Variants in AIMP2 observed in about 807,000 individuals in gnomAD.
AIMP2 encodes aminoacyl tRNA synthase complex-interacting multifunctional protein 2.
Under a neutral mutation model 23.4 loss-of-function variants are expected in AIMP2, and 20 were observed. The observed-to-expected ratio is 0.85, with a 90% CI of 0.60 to 1.24. The LOEUF (loss-of-function observed/expected upper bound fraction) is 1.24. AIMP2 is among the 50% of genes most tolerant of loss of function. AIMP2 has a pLI of 0.00. For synonymous variants in AIMP2, 210 were observed against 170.4 expected, an observed-to-expected ratio of 1.23 and a Z score of -1.81; for missense variants, 515 against 414.5, an observed-to-expected ratio of 1.24 and a Z score of -2.10.
chr7:6,021,277 A>G (rs2079819), intron 3 of AIMP2, among the ~76,000 whole-genome samples: 127,607 of 149,354 alleles, frequency 0.85, 54,691 homozygotes, highest in African/African-American at 0.91. Context: ...CCAGGAGGTG[A>G]AGGTTGTAGT....
chr7:6,014,527 T>A (rs1200084566), intron 1 of AIMP2, among the ~76,000 whole-genome samples: 1 of 151,674 alleles, frequency 6.6e-6, no homozygotes, highest in Non-Finnish European at 1.5e-5. Flanking sequence ...CCCAAAGTGC[T>A]GGGATTACAG....
At chr7:6,017,756 C>A in intron 2 of AIMP2, 58 bp from the exon 3 acceptor site, 2 of 1,491,922 alleles carry the variant, frequency 1.3e-6, no homozygotes, top group East Asian at 2.4e-5. Flanking sequence ...GACTCGCGCC[C>A]GGCACAGTGG....
chr7:6,015,337 T>G lies in AIMP2; in HGVS notation c.327T>G (p.Asn109Lys), dbSNP rs1211111262. The change falls in exon 2 of 4, where the codon AAT (asparagine) becomes AAG (lysine). Residue 109 changes from asparagine (N) to lysine (K), a missense_variant. Asn to Lys is a moderately conservative substitution (Grantham distance 94). Transcript: ENST00000223029. ...TTLTTNALDL[N>K]SVLGKDYGAL... ...TAACCACCAATGCGCTGGACTTGAA[T>G]TCAGTGCTTGGGAAGGTAGGTTCGT... 6.2e-7 allele frequency: 1 copy of G among 1,614,036 alleles called. No individual in the cohort carries two copies. Among genetic ancestry groups the G allele is most frequent in the Non-Finnish European group, 8.5e-7 (1 of 1,180,030 alleles).
Position 6,018,551 on chromosome 7 carries a change from CA to C in AIMP2, c.574+508del, listed in dbSNP as rs201100626. On this transcript the variant is annotated intron_variant, in intron 3 of 3. Coordinates refer to ENST00000223029, the MANE Select transcript of AIMP2 (RefSeq NM_006303.4). Reference sequence around the variant, plus strand: ...ACCGCATAGCCTAGAAATATCAAAACAAGGCCACGCGCAGGGGCTCACGCCT... The same window carrying C: ...ACCGCATAGCCTAGAAATATCAAAACAGGCCACGCGCAGGGGCTCACGCCT... Among the ~76,000 whole-genome samples the C allele has an allele frequency of 7.4e-3, 1,129 of 151,894 alleles. 14 individuals carry two copies. The highest frequency in any genetic ancestry group is 0.026 in the African/African-American group (1,087 of 41,430).
intron 2 of AIMP2, among the ~76,000 whole-genome samples, chr7:6,016,673 C>T (rs1177399740): frequency 2.0e-5 from 3 of 152,222 alleles, no homozygotes; most frequent in Non-Finnish European, 2.9e-5. Context: ...ATTTTGATAC[C>T]TCAGAAGACC....
intron 1 of AIMP2, chr7:6,012,561 GTTTTTT>G: frequency 5.1e-6 from 1 of 194,186 alleles, no homozygotes; most frequent in Admixed American, 5.5e-5. Context: ...CCTGACCGAG[GTTTTTT>G]TTGTTTTTGA....
intron 3 of AIMP2, among the ~76,000 whole-genome samples, chr7:6,021,092 A>G (rs2128881385): frequency 6.6e-6 from 1 of 152,282 alleles, no homozygotes; most frequent in South Asian, 2.1e-4. Flanking sequence ...GCAGGCACTC[A>G]GAGCCCCACG....
At chr7:6,016,540 C>T (rs1169716169) in intron 2 of AIMP2, among the ~76,000 whole-genome samples, 1 of 152,132 alleles carries the variant, frequency 6.6e-6, no homozygotes, top group Non-Finnish European at 1.5e-5. Flanking sequence ...ACCAGGCCCT[C>T]AGGGAGCCGG....
At chr7:6,020,147 G>A (rs1174416669) in intron 3 of AIMP2, among the ~76,000 whole-genome samples, 1 of 152,082 alleles carries the variant, frequency 6.6e-6, no homozygotes, top group African/African-American at 2.4e-5. Context: ...TTGGCCGGTT[G>A]TGGTGGTTCA....
intron 1 of AIMP2, among the ~76,000 whole-genome samples, chr7:6,009,970 A>T (rs1354414215): frequency 0.2 from 6,524 of 33,244 alleles, 607 homozygotes; most frequent in African/African-American, 0.29. Context: ...AAAAAAAAAA[A>T]AAAAATATAT....
At chr7:6,015,491 A>G (rs1320237184) in intron 2 of AIMP2, 139 bp downstream of exon 2, 2 of 869,762 alleles carry the variant, frequency 2.3e-6, no homozygotes, top group East Asian at 2.7e-5. Context: ...TTGGGAAGCC[A>G]AGGCGGGCAG....
Position 6,014,875 on chromosome 7 carries a change from A to G in AIMP2, c.136-271A>G, listed in dbSNP as rs531898775. 13 of 444,174 alleles carry G rather than the reference A, an allele frequency of 2.9e-5. No individual in the cohort carries two copies. In the East Asian group the frequency reaches 8.1e-4, roughly 28 times the overall value. The allele number at this position is 444,174 out of a possible 1,614,324, so 27.5% of individuals were successfully genotyped here. ...GCTGGGATTACAGTTGCGTGCCACC[A>G]TGCCAGGCTAATTTTTGTATTTCTA... On this transcript the variant is annotated intron_variant, in intron 1 of 3. Transcript: ENST00000223029.
chr7:6,019,893 G>C (rs1003501524), intron 3 of AIMP2, among the ~76,000 whole-genome samples: 2 of 151,736 alleles, frequency 1.3e-5, no homozygotes, highest in Admixed American at 6.6e-5. Flanking sequence ...GTGGTGGTGC[G>C]TGCCTGTAGT....
chr7:6,009,518 CGCCCAGTGCGCACGCGCGGCGACCG>C lies in AIMP2; in HGVS notation c.135+23_135+47del. On this transcript the variant is annotated intron_variant, in intron 1 of 3. Transcript: ENST00000223029. ...GTGCAGGTAGGAGCGCGGGGCCCCCCGCCCAGTGCGCACGCGCGGCGACCGGCTGCTGGCCCGGGTCCCCCCAGGC... is the reference window on the plus strand; with the variant it reads ...GTGCAGGTAGGAGCGCGGGGCCCCCCGCTGCTGGCCCGGGTCCCCCCAGGC... The C allele has an allele frequency of 6.9e-7, 1 of 1,457,524 alleles. No individual in the cohort carries two copies. Among genetic ancestry groups the C allele is most frequent in the South Asian group, 1.4e-5 (1 of 69,192 alleles). The allele number at this position is 1,457,524 out of a possible 1,614,324, so 90.3% of individuals were successfully genotyped here.
At position 6,018,013 on chromosome 7, in the gene AIMP2, A is replaced by G; in HGVS notation, c.542A>G (p.Tyr181Cys). 3 of 1,613,986 alleles carry G rather than the reference A, an allele frequency of 1.9e-6. No homozygotes were observed. The highest frequency in any genetic ancestry group is 1.7e-6 in the Non-Finnish European group (2 of 1,179,964). Residue 181 changes from tyrosine to cysteine, a missense_variant, in exon 3 of 4, where the codon TAT (tyrosine) becomes TGT (cysteine). Transcript: ENST00000223029. ...AATAAAAAACAGCCCCGCCAAGACT[A>G]TCAGCTGGGATTCACTTTAATTTGG... Reference protein sequence around the residue: ...EQNKKQPRQDYQLGFTLIWKN... With the variant: ...EQNKKQPRQDCQLGFTLIWKN...
intron 2 of AIMP2, among the ~76,000 whole-genome samples, chr7:6,015,718 C>T (rs188907333): frequency 3.3e-5 from 5 of 152,320 alleles, no homozygotes; most frequent in Admixed American, 6.5e-5. Flanking sequence ...AGCGAGACTC[C>T]GTCTCAAAAC....
intron 2 of AIMP2, 38 bp downstream of exon 2, chr7:6,015,390 T>C (rs935481403): frequency 1.2e-6 from 2 of 1,602,584 alleles, no homozygotes; most frequent in Non-Finnish European, 1.7e-6. Flanking sequence ...TAGTAGGTAC[T>C]GAGTGGTTAG....
At chr7:6,015,728 CAA>C (rs979415323) in intron 2 of AIMP2, among the ~76,000 whole-genome samples, 15 of 152,164 alleles carry the variant, frequency 9.9e-5, no homozygotes, top group Admixed American at 2.6e-4. Flanking sequence ...CGTCTCAAAA[CAA>C]AAACAAAACT....
rs139398981 is a variant in AIMP2 at position 6,023,405 on chromosome 7, A to G, written c.677A>G (p.Asn226Ser). Residue 226 changes from asparagine to serine, a missense_variant, in exon 4 of 4, where the codon AAT becomes AGT. Asn to Ser is a conservative substitution (Grantham distance 46, BLOSUM62 1). Coordinates refer to ENST00000223029, the MANE Select transcript of AIMP2 (RefSeq NM_006303.4). The part of the protein sequence containing the change: ...FLFSLFGQKH[N>S]AVNATLIDSW... The stretch of plus-strand genomic sequence containing the variant: ...TTCTCTCTGTTTGGCCAGAAGCATA[A>G]TGCTGTCAACGCAACCCTTATAGAT... 1.9e-4 allele frequency: 305 copies of G among 1,614,262 alleles called. No individual in the cohort carries two copies. The highest frequency in any genetic ancestry group is 2.5e-4 in the Non-Finnish European group (291 of 1,180,050).
Sources: gnomAD v4.1 joint callset for allele counts (sites outside exome capture counted in the v4.1 genomes callset) on GRCh38, gnomAD v4.1.1 for gene constraint, MANE v1.5 for transcripts, NCBI Gene and HGNC (gene_info 2026-07-23, HGNC 2026-07-21) for gene names.